MMP24: variants seen among roughly 807,000 people sequenced by gnomAD.
MMP24 encodes the protein matrix metalloproteinase-24.
MMP24 carries 25 observed loss-of-function variants against 62.8 expected under a neutral mutation model. The observed-to-expected ratio is 0.40, with a 90% CI of 0.29 to 0.56. MMP24 has a LOEUF of 0.56. MMP24 is among the 20% of genes least tolerant of loss of function. The pLI is 0.50. For synonymous variants in MMP24, 319 were observed against 350.5 expected, an observed-to-expected ratio of 0.91 and a Z score of 1.00; for missense variants, 634 against 853.6, an observed-to-expected ratio of 0.74 and a Z score of 3.21.
chr20:35,261,794 C>T (rs1413551943), intron 4 of MMP24, among the ~76,000 whole-genome samples: 1 of 126,098 alleles, frequency 7.9e-6, no homozygotes, highest in East Asian at 2.3e-4. Context: ...CTCAGGGCAT[C>T]CTTTTTTTTT....
chr20:35,233,158 C>T (rs2060445721), intron 1 of MMP24, among the ~76,000 whole-genome samples: 1 of 152,174 alleles, frequency 6.6e-6, no homozygotes, highest in South Asian at 2.1e-4. Context: ...ACTCCTTTCT[C>T]TCTTTATACA....
At chr20:35,257,399 A>T (rs1199263176) in intron 4 of MMP24, among the ~76,000 whole-genome samples, 1 of 152,136 alleles carries the variant, frequency 6.6e-6, no homozygotes, top group African/African-American at 2.4e-5. Flanking sequence ...GTGTCAACGA[A>T]TGGCTGTCTG....
In MMP24 at chr20:35,248,374, C is replaced by T. The variant is rs530724227; in HGVS notation, c.395+1386C>T. Reference sequence around the variant, plus strand: ...AGGCTGGAGGGCAGTGGCGTGATCTCGGTTCACTGCAACCACTGCCTCCAG... The same window carrying T: ...AGGCTGGAGGGCAGTGGCGTGATCTTGGTTCACTGCAACCACTGCCTCCAG... On this transcript the variant is annotated intron_variant, in intron 2 of 8. Coordinates refer to ENST00000246186, the MANE Select transcript of MMP24 (RefSeq NM_006690.4). Among the ~76,000 whole-genome samples, 70 of 145,358 alleles carry T rather than the reference C, an allele frequency of 4.8e-4. 1 individual carries two copies. Among genetic ancestry groups the T allele is most frequent in the African/African-American group, 1.7e-3 (67 of 38,958 alleles).
At position 35,274,152 on chromosome 20, in the gene MMP24, A is replaced by G. The variant is rs527735490; in HGVS notation, c.1601-120A>G. 65 of 985,232 alleles carry G rather than the reference A, an allele frequency of 6.6e-5. No individual in the cohort carries two copies. The South Asian group carries it at 9.8e-4, about 15-fold the overall frequency. The allele number at this position is 985,232 out of a possible 1,614,324, so 61.0% of individuals were successfully genotyped here. A position where few individuals can be genotyped will look rare whatever the true frequency, so the allele number is the denominator to read the frequency against. On this transcript the variant is annotated intron_variant, in intron 8 of 8. Transcript: ENST00000246186. This position sits in a 1 kb window ranked among gnomAD's most constrained non-coding sequence, Gnocchi z 5.1. ...GACTCAGCCAAGCACTGCACCCCAA[A>G]CCTCCAGGTGTGCCCACCTTGCCTC...
rs2060666097 is a variant in MMP24 at position 35,271,037 on chromosome 20, T to C, written c.1334-532T>C. ...CCTGGGCAACAAGAGCCAAACTCCA[T>C]CTTAAAAAAAAGAAGTGGCTGAATA... is the stretch of plus-strand genomic sequence containing the variant. On this transcript the variant is annotated intron_variant, in intron 7 of 8. Transcript: ENST00000246186. This position sits in a 1 kb window ranked among gnomAD's most constrained non-coding sequence, Gnocchi z 4.0. Among the ~76,000 whole-genome samples, 1 of 151,682 alleles carries C rather than the reference T, an allele frequency of 6.6e-6. No individual in the cohort carries two copies. The highest frequency in any genetic ancestry group is 2.4e-5 in the African/African-American group (1 of 41,246).
chr20:35,243,758 A>G (rs904220688), intron 1 of MMP24, among the ~76,000 whole-genome samples: 3 of 152,240 alleles, frequency 2.0e-5, no homozygotes, highest in African/African-American at 7.2e-5. Flanking sequence ...TTCCAGAGGT[A>G]GTAATTTATG....
intron 1 of MMP24, among the ~76,000 whole-genome samples, chr20:35,243,294 G>A (rs566488679): frequency 9.2e-5 from 14 of 152,178 alleles, no homozygotes; most frequent in Admixed American, 7.2e-4. Flanking sequence ...TCTGGAAGCC[G>A]TCCCTGAGTT....
rs1301648080 is a variant in MMP24 at position 35,269,983 on chromosome 20, G to A, written c.1333+85G>A. ...CCATCTAAACTGGAAGAGGCGGGGT[G>A]GGAGGCAGATGTCCTCAGAGGGCCC... On this transcript the variant is annotated intron_variant, in intron 7 of 8. Transcript: ENST00000246186. This position sits in a 1 kb window ranked among gnomAD's most constrained non-coding sequence, Gnocchi z 4.6. 6.6e-7 allele frequency: 1 copy of A among 1,506,684 alleles called. No homozygotes were observed. 93.3% of individuals were successfully genotyped at this position (1,506,684 alleles called of 1,614,324 possible). A position where few individuals can be genotyped will look rare whatever the true frequency, so the allele number is the denominator to read the frequency against.
In MMP24 at chr20:35,271,606, G is replaced by A. The variant is rs41290910; in HGVS notation, c.1371G>A (p.Glu457=). ...KYWVFKEVTV[E]PGYPHSLGEL... ...GGGTGTTTAAGGAGGTGACGGTGGA[G>A]CCTGGGTACCCCCACAGCCTGGGGG... The change falls in exon 8 of 9, where the codon GAG becomes GAA. Residue 457 remains glutamate (E), a synonymous_variant. Transcript: ENST00000246186. The surrounding 1 kb of genome is among the most constrained non-coding windows in gnomAD (Gnocchi z 4.0). The A allele has an allele frequency of 3.1e-6, 5 of 1,612,796 alleles. No individual in the cohort carries two copies. The highest frequency in any genetic ancestry group is 4.2e-6 in the Non-Finnish European group (5 of 1,179,480).
In MMP24 at chr20:35,252,018, A is replaced by G; in HGVS notation, c.509A>G (p.Tyr170Cys). Residue 170 changes from tyrosine (Y) to cysteine (C), a missense_variant, in exon 3 of 9, where the codon TAC becomes TGC. Tyr to Cys is a radical substitution (Grantham distance 194). Around this residue, in one of 3 missense-constraint regions of MMP24, gnomAD observed 212 missense variants for 259.6 expected, o/e 0.82. Transcript: ENST00000246186. ...GQKWRQKHIT[Y>C]SIHNYTPKVG... is the part of the protein sequence containing the mutation. ...AAGTGGAGGCAAAAACACATCACCT[A>G]CAGGTGCTTCGACTCTCCCTCTTCC... 1 of 1,610,704 alleles carries G rather than the reference A, an allele frequency of 6.2e-7. No homozygotes were observed. The highest frequency in any genetic ancestry group is 8.5e-7 in the Non-Finnish European group (1 of 1,176,854).
In MMP24 at chr20:35,269,754, T is replaced by C; in HGVS notation, c.1195-6T>C. 7.0e-6 allele frequency: 11 copies of C among 1,567,918 alleles called. No individual in the cohort carries two copies. The highest frequency in any genetic ancestry group is 9.5e-6 in the Non-Finnish European group (11 of 1,156,544). On this transcript the variant is annotated splice_polypyrimidine_tract_variant and splice_region_variant and intron_variant, in intron 6 of 8. Coordinates refer to ENST00000246186, the MANE Select transcript of MMP24 (RefSeq NM_006690.4). This position sits in a 1 kb window ranked among gnomAD's most constrained non-coding sequence, Gnocchi z 4.6. ...ACCTCTCTCCCCCTCTCCCGCTTCC[T>C]CCCAGGATCGCTGGTTCTGGCGTCT...
Position 35,271,625 on chromosome 20 carries a change from C to T in MMP24, c.1390C>T (p.Leu464=). ...GGTGGAGCCTGGGTACCCCCACAGC[C>T]TGGGGGAGCTGGGCAGCTGTTTGCC... ...VTVEPGYPHS[L]GELGSCLPRE... Residue 464 remains leucine (L), a synonymous_variant, in exon 8 of 9, where the codon CTG becomes TTG. Coordinates refer to ENST00000246186, the MANE Select transcript of MMP24 (RefSeq NM_006690.4). This position sits in a 1 kb window ranked among gnomAD's most constrained non-coding sequence, Gnocchi z 4.0. 6.2e-7 allele frequency: 1 copy of T among 1,611,978 alleles called. No individual in the cohort carries two copies.
chr20:35,241,729 T>C (rs1219639434), intron 1 of MMP24, among the ~76,000 whole-genome samples: 1 of 152,192 alleles, frequency 6.6e-6, no homozygotes, highest in African/African-American at 2.4e-5. Context: ...CTACTTTTAA[T>C]TCCCAGAGCA....
intron 1 of MMP24, among the ~76,000 whole-genome samples, chr20:35,243,292 C>A (rs1235939442): frequency 2.0e-5 from 3 of 152,146 alleles, no homozygotes; most frequent in African/African-American, 4.8e-5. Flanking sequence ...TATCTGGAAG[C>A]CGTCCCTGAG....
At chr20:35,247,714 G>T (rs1042339198) in intron 2 of MMP24, among the ~76,000 whole-genome samples, 1 of 152,206 alleles carries the variant, frequency 6.6e-6, no homozygotes, top group African/African-American at 2.4e-5. Flanking sequence ...GATGCCACAT[G>T]GTGTGGGGTG....
At position 35,233,212 on chromosome 20, in the gene MMP24, GC is replaced by G. The variant is rs2060445883; in HGVS notation, c.246+6230del. On this transcript the variant is annotated intron_variant, in intron 1 of 8. Transcript: ENST00000246186. Reference sequence around the variant, plus strand: ...ATTTGAGGCCAGGAGTTCGAGACCAGCCTGGCCAACATGGTGAAACCCTATC... The same window carrying G: ...ATTTGAGGCCAGGAGTTCGAGACCAGCTGGCCAACATGGTGAAACCCTATC... Among the ~76,000 whole-genome samples the G allele has an allele frequency of 3.3e-5, 5 of 152,250 alleles. 1 individual carries two copies. The South Asian group carries it at 1.0e-3, about 32-fold the overall frequency.
At chr20:35,237,270 T>C (rs1459216673) in intron 1 of MMP24, among the ~76,000 whole-genome samples, 1 of 152,196 alleles carries the variant, frequency 6.6e-6, no homozygotes, top group East Asian at 1.9e-4. Context: ...CAGGGCTGCA[T>C]TCCTGCTGGA....
At chr20:35,273,873 C>G (rs542097397) in intron 8 of MMP24, among the ~76,000 whole-genome samples, 1 of 152,316 alleles carries the variant, frequency 6.6e-6, no homozygotes, top group South Asian at 2.1e-4. Flanking sequence ...AAATCTTGCT[C>G]CCTGCCTCCC....
intron 2 of MMP24, 147 bp from the exon 3 acceptor site, chr20:35,251,758 T>C (rs1419563645): frequency 8.0e-6 from 5 of 625,926 alleles, no homozygotes; most frequent in Admixed American, 2.8e-5. Context: ...CATGTTCTTG[T>C]TGGGGTCCAT....
Sources: allele counts gnomAD v4.1 joint callset (sites outside exome capture counted in the v4.1 genomes callset), GRCh38; gene constraint gnomAD v4.1.1; regional missense constraint gnomAD v4.1.1; non-coding constraint Gnocchi (gnomAD v3.1); transcripts MANE v1.5; gene names NCBI Gene and HGNC (gene_info 2026-07-23, HGNC 2026-07-21).